The following TRIL variants were observed in gnomAD, a reference collection of about 807,000 sequenced individuals.
TRIL encodes the protein TLR4 interactor with leucine rich repeats.
In TRIL, 23 loss-of-function variants were observed where a neutral mutation model predicts 43.0. The ratio of observed to expected loss-of-function variants is 0.54; its 90% CI spans 0.39 to 0.76. TRIL has a LOEUF of 0.76. Ranked by LOEUF, TRIL falls within the 30% of genes least tolerant of loss-of-function variation. The pLI is 0.00. For missense variants in TRIL, 1,114 were observed against 1,139.3 expected, an observed-to-expected ratio of 0.98 and a Z score of 0.32; for synonymous variants, 602 against 556.8, an observed-to-expected ratio of 1.08 and a Z score of -1.14.
At position 28,956,761 on chromosome 7, in the gene TRIL, C is replaced by G. The variant is rs765092411; in HGVS notation, c.1286G>C (p.Arg429Pro). 16 of 1,608,146 alleles carry G rather than the reference C, an allele frequency of 9.9e-6. No homozygotes were observed. Among genetic ancestry groups the G allele is most frequent in the Non-Finnish European group, 1.1e-5 (13 of 1,179,298 alleles). ...CCCTGCGGCCGTGGGTAGGGGCTGC[C>G]GCCTGCGGTCAGCGGTCAGGGAAGC... ...PSASLTADRR[R>P]QPLPTAAGEE... is the part of the protein sequence containing the mutation. The change falls in exon 1 of 1, where the codon CGG (arginine) becomes CCG (proline). Residue 429 changes from arginine to proline, a missense_variant. Arg to Pro is a moderately radical substitution (Grantham distance 103). Coordinates refer to ENST00000539664, the MANE Select transcript of TRIL (RefSeq NM_014817.4).
Position 28,956,968 on chromosome 7 carries a change from C to A in TRIL, c.1079G>T (p.Gly360Val), listed in dbSNP as rs1242161279. ...ALYRLDLDGN[G>V]WTCDCRLRGL... ...TCGCAGCCGGCAGTCGCAGGTCCAG[C>A]CGTTGCCGTCTAGATCCAGCCGATA... is the stretch of plus-strand genomic sequence containing the variant. The change falls in exon 1 of 1, where the codon GGC (glycine) becomes GTC (valine). Residue 360 changes from glycine to valine, a missense_variant. Transcript: ENST00000539664. The A allele has an allele frequency of 1.3e-6, 2 of 1,588,464 alleles. No homozygotes were observed. Among genetic ancestry groups the A allele is most frequent in the Non-Finnish European group, 1.7e-6 (2 of 1,169,170 alleles).
chr7:28,956,014 C>G lies in TRIL; in HGVS notation c.2033G>C (p.Cys678Ser). ...RVCPVAPRDHCAGLVTLPEAG... is the reference protein window; with the variant it reads ...RVCPVAPRDHSAGLVTLPEAG... ...CTCCGGTAGGGTGACCAGCCCCGCG[C>G]AGTGGTCCCGGGGAGCCACAGGGCA... is the stretch of plus-strand genomic sequence containing the variant. The change falls in exon 1 of 1, where the codon TGC becomes TCC. Residue 678 changes from cysteine (C) to serine (S), a missense_variant. Cys to Ser is a moderately radical substitution (Grantham distance 112). Coordinates refer to ENST00000539664, the MANE Select transcript of TRIL (RefSeq NM_014817.4). The G allele has an allele frequency of 6.4e-7, 1 of 1,550,628 alleles. No individual in the cohort carries two copies. Among genetic ancestry groups the G allele is most frequent in the Non-Finnish European group, 8.7e-7 (1 of 1,153,074 alleles).
chr7:28,956,033 C>A lies in TRIL; in HGVS notation c.2014G>T (p.Val672Leu). 1 of 1,549,940 alleles carries A rather than the reference C, an allele frequency of 6.5e-7. No homozygotes were observed. The highest frequency in any genetic ancestry group is 1.4e-5 in the African/African-American group (1 of 73,538). Reference sequence around the variant, plus strand: ...CCCGCGCAGTGGTCCCGGGGAGCCACAGGGCAGACACGGCCCCCAAGCACG... The same window carrying A: ...CCCGCGCAGTGGTCCCGGGGAGCCAAAGGGCAGACACGGCCCCCAAGCACG... ...EGVLGGRVCP[V>L]APRDHCAGLV... The change falls in exon 1 of 1, where the codon GTG (valine) becomes TTG (leucine). Residue 672 changes from valine (V) to leucine (L), a missense_variant. Coordinates refer to ENST00000539664, the MANE Select transcript of TRIL (RefSeq NM_014817.4).
Position 28,956,996 on chromosome 7 carries a change from G to A in TRIL, c.1051C>T (p.Leu351Phe). ...TTGCCGTCTAGATCCAGCCGATAAA[G>A]GGCTGGGCTGGCGGCGAAGATGTCC... The part of the protein sequence containing the change: ...SGDIFAASPA[L>F]YRLDLDGNGW... The change falls in exon 1 of 1, where the codon CTT (leucine) becomes TTT (phenylalanine). Residue 351 changes from leucine to phenylalanine, a missense_variant. Leu to Phe is a conservative substitution (Grantham distance 22). Transcript: ENST00000539664. 6.3e-7 allele frequency: 1 copy of A among 1,582,520 alleles called. No homozygotes were observed. The highest frequency in any genetic ancestry group is 1.1e-5 in the South Asian group (1 of 88,100).
chr7:28,955,880 G>T lies in TRIL; in HGVS notation c.2167C>A (p.Arg723Ser). The T allele has an allele frequency of 6.5e-7, 1 of 1,550,210 alleles. No individual in the cohort carries two copies. Among genetic ancestry groups the T allele is most frequent in the Non-Finnish European group, 8.7e-7 (1 of 1,147,382 alleles). ...ALAAWASRWL[R>S]RKLRARRKGG... Reference sequence around the variant, plus strand: ...TTCCGCCTAGCCCGCAGTTTCCTACGCAGCCAGCGAGACGCCCAGGCCGCC... The same window carrying T: ...TTCCGCCTAGCCCGCAGTTTCCTACTCAGCCAGCGAGACGCCCAGGCCGCC... The change falls in exon 1 of 1, where the codon CGT (arginine) becomes AGT (serine). Residue 723 changes from arginine (R) to serine (S), a missense_variant. Coordinates refer to ENST00000539664, the MANE Select transcript of TRIL (RefSeq NM_014817.4).
chr7:28,957,587 G>C lies in TRIL; in HGVS notation c.460C>G (p.Leu154Val). The change falls in exon 1 of 1, where the codon CTG becomes GTG. Residue 154 changes from leucine to valine, a missense_variant. Transcript: ENST00000539664. Reference sequence around the variant, plus strand: ...AGCCGCAGCTTGACTAGACTCTCCAGGCCCTCGAAGGAGCCGCGGCTTAGG... The same window carrying C: ...AGCCGCAGCTTGACTAGACTCTCCACGCCCTCGAAGGAGCCGCGGCTTAGG... ...SRLSRGSFEG[L>V]ESLVKLRLDG... The C allele has an allele frequency of 3.1e-6, 5 of 1,612,308 alleles. No homozygotes were observed. Among genetic ancestry groups the C allele is most frequent in the Non-Finnish European group, 4.2e-6 (5 of 1,179,474 alleles).
chr7:28,958,133 A>G lies in TRIL; in HGVS notation c.-87T>C. 4.9e-6 allele frequency: 7 copies of G among 1,425,508 alleles called. No individual in the cohort carries two copies. Among genetic ancestry groups the G allele is most frequent in the South Asian group, 4.6e-5 (3 of 65,260 alleles). The allele number at this position is 1,425,508 out of a possible 1,614,324, so 88.3% of individuals were successfully genotyped here. ...TCTGCATTCCCCTTAGCCTGGCCAG[A>G]GTCGCTAAATGGCCTCTTTCGGACT... On this transcript the variant is annotated 5_prime_UTR_variant, in exon 1 of 1. Transcript: ENST00000539664.
Position 28,956,408 on chromosome 7 carries a change from A to G in TRIL, c.1639T>C (p.Trp547Arg), listed in dbSNP as rs1451028858. 6.5e-6 allele frequency: 10 copies of G among 1,536,434 alleles called. No homozygotes were observed. The highest frequency in any genetic ancestry group is 2.7e-5 in the African/African-American group (2 of 72,746). ...AGACGATGCTTCGTCGCGCGCTGCC[A>G]GGGGTCGCCGGCGGGCGATGGCGCA... ...GSAPSPAGDP[W>R]QRATKHRLGT... The change falls in exon 1 of 1, where the codon TGG (tryptophan) becomes CGG (arginine). Residue 547 changes from tryptophan to arginine, a missense_variant. Coordinates refer to ENST00000539664, the MANE Select transcript of TRIL (RefSeq NM_014817.4).
At position 28,957,049 on chromosome 7, in the gene TRIL, C is replaced by A. The variant is rs745881297; in HGVS notation, c.998G>T (p.Arg333Leu). Residue 333 changes from arginine (R) to leucine (L), a missense_variant, in exon 1 of 1, where the codon CGC (arginine) becomes CTC (leucine). Coordinates refer to ENST00000539664, the MANE Select transcript of TRIL (RefSeq NM_014817.4). ...HLGRLRELSL[R>L]NNALSALSGD... is the part of the protein sequence containing the mutation. The stretch of plus-strand genomic sequence containing the variant: ...GGATAGGGCGCTGAGCGCGTTGTTG[C>A]GCAGGCTGAGCTCGCGCAGCCGGCC... 1.3e-6 allele frequency: 2 copies of A among 1,578,730 alleles called. No homozygotes were observed. Among genetic ancestry groups the A allele is most frequent in the Non-Finnish European group, 1.7e-6 (2 of 1,165,474 alleles).
Position 28,954,571 on chromosome 7 carries a change from T to A in TRIL, c.*1040A>T, listed in dbSNP as rs1409408479. ...TTTGCTTCCCTATTAGGAAATAACC[T>A]TCATTGCTTAACTGCAACTCAAGAG... On this transcript the variant is annotated 3_prime_UTR_variant, in exon 1 of 1. Coordinates refer to ENST00000539664, the MANE Select transcript of TRIL (RefSeq NM_014817.4). 1 of 152,428 alleles carries A rather than the reference T, an allele frequency of 6.6e-6. No individual in the cohort carries two copies. The highest frequency in any genetic ancestry group is 1.5e-5 in the Non-Finnish European group (1 of 68,044). 9.4% of individuals were successfully genotyped at this position (152,428 alleles called of 1,614,324 possible). A position where few individuals can be genotyped will look rare whatever the true frequency, so the allele number is the denominator to read the frequency against.
At position 28,955,998 on chromosome 7, in the gene TRIL, G is replaced by A. The variant is rs1171041119; in HGVS notation, c.2049C>T (p.Thr683=). ...APRDHCAGLV[T]LPEAGSRGGV... ...CGCCCCGGCTCCCGGCCTCCGGTAG[G>A]GTGACCAGCCCCGCGCAGTGGTCCC... Residue 683 remains threonine (T), a synonymous_variant, in exon 1 of 1, where the codon ACC becomes ACT. Transcript: ENST00000539664. 3 of 1,552,108 alleles carry A rather than the reference G, an allele frequency of 1.9e-6. No homozygotes were observed. The highest frequency in any genetic ancestry group is 2.7e-5 in the African/African-American group (2 of 73,530).
At position 28,956,269 on chromosome 7, in the gene TRIL, T is replaced by C. The variant is rs755494887; in HGVS notation, c.1778A>G (p.Glu593Gly). Residue 593 changes from glutamate (E) to glycine (G), a missense_variant, in exon 1 of 1, where the codon GAG (glutamate) becomes GGG (glycine). Physicochemically the swap from Glu to Gly is moderately conservative, Grantham distance 98. Transcript: ENST00000539664. Reference sequence around the variant, plus strand: ...CGAGGCGCTGTCTGCGCCCACCGCCTCCACCGTCAGGTTGCACAGAATGAA... The same window carrying C: ...CGAGGCGCTGTCTGCGCCCACCGCCCCCACCGTCAGGTTGCACAGAATGAA... ...NKFILCNLTV[E>G]AVGADSASVR... 12 of 1,547,864 alleles carry C rather than the reference T, an allele frequency of 7.8e-6. No homozygotes were observed. In the African/African-American group the frequency reaches 1.6e-4, roughly 21 times the overall value.
In TRIL at chr7:28,956,946, C is replaced by G; in HGVS notation, c.1101G>C (p.Leu367=). The G allele has an allele frequency of 1.3e-6, 2 of 1,595,830 alleles. No individual in the cohort carries two copies. The highest frequency in any genetic ancestry group is 2.2e-5 in the South Asian group (2 of 89,968). ...CGCCCATCCAGCGCTTCAGGCCTCG[C>G]AGCCGGCAGTCGCAGGTCCAGCCGT... The part of the protein sequence containing the change: ...DGNGWTCDCR[L]RGLKRWMGDW... Residue 367 remains leucine (L), a synonymous_variant, in exon 1 of 1, where the codon CTG becomes CTC. Transcript: ENST00000539664.
rs1783387382 is a variant in TRIL, at chr7:28,955,767, C to T, written c.2280G>A (p.Ser760=). The T allele has an allele frequency of 6.5e-7, 1 of 1,550,218 alleles. No homozygotes were observed. The highest frequency in any genetic ancestry group is 8.7e-7 in the Non-Finnish European group (1 of 1,146,876). ...TGCGTGGCCGGTGCGACTGGAATCC[C>T]GAGAAGTCGGCGGACACGCCGGTGC... ...SMGTGVSADF[S]GFQSHRPRTT... The change falls in exon 1 of 1, where the codon TCG becomes TCA. Residue 760 remains serine, a synonymous_variant. Transcript: ENST00000539664.
At position 28,957,747 on chromosome 7, in the gene TRIL, G is replaced by C. The variant is rs753849409; in HGVS notation, c.300C>G (p.Pro100=). 13 of 1,613,800 alleles carry C rather than the reference G, an allele frequency of 8.1e-6. No homozygotes were observed. Among genetic ancestry groups the C allele is most frequent in the Admixed American group, 1.7e-5 (1 of 59,996 alleles). The part of the protein sequence containing the change: ...LQYNQIRSLH[P]KTFEKLSRLE... Reference sequence around the variant, plus strand: ...GCCGCGAGAGCTTCTCGAAGGTCTTGGGGTGCAGAGAGCGGATCTGGTTGT... The same window carrying C: ...GCCGCGAGAGCTTCTCGAAGGTCTTCGGGTGCAGAGAGCGGATCTGGTTGT... Residue 100 remains proline (P), a synonymous_variant, in exon 1 of 1, where the codon CCC becomes CCG. Transcript: ENST00000539664.
In TRIL at chr7:28,956,583, G is replaced by A; in HGVS notation, c.1464C>T (p.Gly488=). ...AGGGGCTGGGCTGCTGGAGGCCCGG[G>A]CCCCGCCGACTCAGCCTTAGGGCGC... The part of the protein sequence containing the change: ...NRSALRLSRR[G]PGLQQPSPSV... The change falls in exon 1 of 1, where the codon GGC becomes GGT. Residue 488 remains glycine (G), a synonymous_variant. Transcript: ENST00000539664. The A allele has an allele frequency of 5.1e-6, 8 of 1,554,786 alleles. No homozygotes were observed. Among genetic ancestry groups the A allele is most frequent in the Non-Finnish European group, 6.0e-6 (7 of 1,158,372 alleles).
Position 28,955,850 on chromosome 7 carries a change from C to T in TRIL, c.2197G>A (p.Gly733Arg). The change falls in exon 1 of 1, where the codon GGG (glycine) becomes AGG (arginine). Residue 733 changes from glycine to arginine, a missense_variant. Coordinates refer to ENST00000539664, the MANE Select transcript of TRIL (RefSeq NM_014817.4). ...ATGTGCCGAACGTGGACCGGGGCCC[C>T]GCCCTTCCGCCTAGCCCGCAGTTTC... Reference protein sequence around the residue: ...RRKLRARRKGGAPVHVRHMYS... With the variant: ...RRKLRARRKGRAPVHVRHMYS... 1 of 1,549,778 alleles carries T rather than the reference C, an allele frequency of 6.5e-7. No individual in the cohort carries two copies. The highest frequency in any genetic ancestry group is 8.7e-7 in the Non-Finnish European group (1 of 1,146,788).
Position 28,953,932 on chromosome 7 carries a change from G to C in TRIL, c.*1679C>G, listed in dbSNP as rs1439574606. 1.3e-5 allele frequency: 2 copies of C among 152,666 alleles called. No individual in the cohort carries two copies. Among genetic ancestry groups the C allele is most frequent in the Non-Finnish European group, 2.9e-5 (2 of 68,078 alleles). The allele number at this position is 152,666 out of a possible 1,614,324, so 9.5% of individuals were successfully genotyped here. A position where few individuals can be genotyped will look rare whatever the true frequency, so the allele number is the denominator to read the frequency against. On this transcript the variant is annotated 3_prime_UTR_variant, in exon 1 of 1. Coordinates refer to ENST00000539664, the MANE Select transcript of TRIL (RefSeq NM_014817.4). ...GGTCAATCTAGGCCAAACATAAAAG[G>C]AGTGAACTGGGGTGAAAGACCCGGG...
In TRIL at chr7:28,958,096, C is replaced by T. The variant is rs1583886778; in HGVS notation, c.-50G>A. 3 of 1,464,042 alleles carry T rather than the reference C, an allele frequency of 2.0e-6. No homozygotes were observed. In the South Asian group the frequency reaches 4.4e-5, roughly 21 times the overall value. 90.7% of individuals were successfully genotyped at this position (1,464,042 alleles called of 1,614,324 possible). On this transcript the variant is annotated 5_prime_UTR_variant, in exon 1 of 1. Transcript: ENST00000539664. ...CCGGATCGTCCTCTTGGCCCGCCGG[C>T]TCTGTGTCTCCTCTGCATTCCCCTT...
Sources: gnomAD v4.1 joint callset for allele counts on GRCh38, gnomAD v4.1.1 for gene constraint, MANE v1.5 for transcripts, NCBI Gene and HGNC (gene_info 2026-07-23, HGNC 2026-07-21) for gene names.